DSG3: variants seen among roughly 807,000 people sequenced by gnomAD.
The protein encoded by DSG3 is desmoglein-3.
Under a neutral mutation model 85.9 loss-of-function variants are expected in DSG3, and 63 were observed. The ratio of observed to expected loss-of-function variants is 0.73; its 90% CI spans 0.60 to 0.90. The LOEUF is 0.90. Among genes scored for constraint, DSG3 ranks in the 40% least tolerant of loss-of-function variants. The pLI is 0.00. For missense variants in DSG3, 1,220 were observed against 1,219.9 expected, an observed-to-expected ratio of 1.00 and a Z score of 0.00; for synonymous variants, 447 against 441.9, an observed-to-expected ratio of 1.01 and a Z score of -0.14.
chr18:31,460,326 A>G (rs77282770), intron 6 of DSG3, among the ~76,000 whole-genome samples: 4,651 of 152,280 alleles, frequency 0.031, 126 homozygotes, highest in Non-Finnish European at 0.042. Context: ...GATGGAGGAG[A>G]AGCAAGTGTC....
Position 31,476,442 on chromosome 18 carries a change from C to A in DSG3, c.*182C>A. The A allele has an allele frequency of 1.7e-6, 1 of 586,524 alleles. No individual in the cohort carries two copies. Among genetic ancestry groups the A allele is most frequent in the Non-Finnish European group, 2.7e-6 (1 of 365,248 alleles). The allele number at this position is 586,524 out of a possible 1,614,324, so 36.3% of individuals were successfully genotyped here. On this transcript the variant is annotated 3_prime_UTR_variant, in exon 16 of 16. Coordinates refer to ENST00000257189, the MANE Select transcript of DSG3 (RefSeq NM_001944.3). ...ATACCCCAAAAGCAATATGTTGTCACTCCTAATTCTCAAGTACTATTCAAA... is the reference window on the plus strand; with the variant it reads ...ATACCCCAAAAGCAATATGTTGTCAATCCTAATTCTCAAGTACTATTCAAA...
intron 1 of DSG3, among the ~76,000 whole-genome samples, chr18:31,452,671 C>A (rs1379005061): frequency 6.6e-6 from 1 of 151,924 alleles, no homozygotes; most frequent in Admixed American, 6.6e-5. Context: ...TTAATTTAAT[C>A]CTCACAACAA....
At chr18:31,473,339 A>C (rs2072867130) in intron 14 of DSG3, among the ~76,000 whole-genome samples, 1 of 152,178 alleles carries the variant, frequency 6.6e-6, no homozygotes, top group South Asian at 2.1e-4. Flanking sequence ...CAGGTCATAC[A>C]GGTGAATTTG....
intron 1 of DSG3, among the ~76,000 whole-genome samples, chr18:31,451,810 A>T (rs1471807623): frequency 6.6e-6 from 1 of 152,222 alleles, no homozygotes; most frequent in Non-Finnish European, 1.5e-5. Flanking sequence ...TTCATCTGGA[A>T]CTAGAACACT....
Position 31,460,854 on chromosome 18 carries a change from G to A in DSG3, c.706G>A (p.Val236Ile), listed in dbSNP as rs139510343. 7.6e-6 allele frequency: 12 copies of A among 1,588,942 alleles called. No individual in the cohort carries two copies. The African/African-American group carries it at 1.5e-4, about 20-fold the overall frequency. Reference sequence around the variant, plus strand: ...TTAGCAAGCTAGCAGCTATCGTCTGGTTGTGAGTGGTGCAGACAAAGATGG... The same window carrying A: ...TTAGCAAGCTAGCAGCTATCGTCTGATTGTGAGTGGTGCAGACAAAGATGG... The part of the protein sequence containing the change: ...DREQASSYRL[V>I]VSGADKDGEG... The change falls in exon 7 of 16, where the codon GTT becomes ATT. Residue 236 changes from valine (V) to isoleucine (I), a missense_variant. Physicochemically the swap from Val to Ile is conservative, Grantham distance 29 (BLOSUM62 3). Coordinates refer to ENST00000257189, the MANE Select transcript of DSG3 (RefSeq NM_001944.3).
chr18:31,456,514 T>C (rs760307539), intron 2 of DSG3, 39 bp downstream of exon 2: 1 of 1,172,634 alleles, frequency 8.5e-7, no homozygotes, highest in Admixed American at 3.1e-5. Flanking sequence ...AAAATAATAG[T>C]TTAGTTTAAA....
chr18:31,471,040 C>A (rs1209410597), intron 12 of DSG3, among the ~76,000 whole-genome samples: 1 of 152,098 alleles, frequency 6.6e-6, no homozygotes, highest in Admixed American at 6.5e-5. Context: ...ACAACCCTGG[C>A]AACAGTGTGT....
intron 8 of DSG3, among the ~76,000 whole-genome samples, chr18:31,462,520 CA>C (rs1438183910): frequency 6.6e-6 from 1 of 152,196 alleles, no homozygotes; most frequent in South Asian, 2.1e-4. Flanking sequence ...ACAAGTGCCA[CA>C]GCCATCCCCA....
At chr18:31,461,830 A>G (rs572906047) in intron 8 of DSG3, among the ~76,000 whole-genome samples, 4 of 152,364 alleles carry the variant, frequency 2.6e-5, no homozygotes, top group African/African-American at 9.6e-5. Flanking sequence ...TCGGTTTTAA[A>G]TGGATTAGCT....
At chr18:31,451,481 T>C (rs2072711396) in intron 1 of DSG3, among the ~76,000 whole-genome samples, 1 of 152,176 alleles carries the variant, frequency 6.6e-6, no homozygotes, top group African/African-American at 2.4e-5. Context: ...AGCACAACTA[T>C]CTTCAACCAC....
intron 12 of DSG3, among the ~76,000 whole-genome samples, chr18:31,471,255 CAT>C (rs1362685648): frequency 6.6e-6 from 1 of 152,060 alleles, no homozygotes; most frequent in East Asian, 1.9e-4. Context: ...CAAAAAAATT[CAT>C]ATGTTGAAAC....
At chr18:31,458,943 T>G (rs537650067) in intron 4 of DSG3, 90 bp from the exon 5 acceptor site, 652 of 1,445,574 alleles carry the variant, frequency 4.5e-4, no homozygotes, top group Non-Finnish European at 5.2e-4. Context: ...AAAAGTGATG[T>G]CCATGCCAAC....
intron 3 of DSG3, among the ~76,000 whole-genome samples, chr18:31,457,573 CTTTCTTTCTTTCTTCT>C (rs1418459946): frequency 5.1e-4 from 58 of 113,366 alleles, no homozygotes; most frequent in African/African-American, 1.2e-3. Context: ...TTCTTTCTTT[CTTTCTTTCTTTCTTCT>C]TTCTTTCTTT....
chr18:31,462,465 T>C (rs2072792756), intron 8 of DSG3, among the ~76,000 whole-genome samples: 1 of 152,190 alleles, frequency 6.6e-6, no homozygotes, highest in African/African-American at 2.4e-5. Flanking sequence ...ACAAGGGGGC[T>C]GCTGAAAGCT....
chr18:31,465,297 T>C, intron 9 of DSG3, 21 bp from the exon 10 acceptor site: 1 of 1,371,750 alleles, frequency 7.3e-7, no homozygotes, highest in Non-Finnish European at 9.5e-7. Flanking sequence ...GAAAACTGAT[T>C]TTTTTAATAT....
rs540693754 is a variant in DSG3 at position 31,459,069 on chromosome 18, G to T, written c.409G>T (p.Val137Leu). 3 of 1,613,830 alleles carry T rather than the reference G, an allele frequency of 1.9e-6. No individual in the cohort carries two copies. The highest frequency in any genetic ancestry group is 4.5e-5 in the East Asian group (2 of 44,868). The change falls in exon 5 of 16, where the codon GTA (valine) becomes TTA (leucine). Residue 137 changes from valine (V) to leucine (L), a missense_variant. Physicochemically the swap from Val to Leu is conservative, Grantham distance 32. Transcript: ENST00000257189. ...GGCTCTAAATGCCCAAGGACTAGAT[G>T]TAGAGAAACCACTTATACTAACGGT... ...CRALNAQGLD[V>L]EKPLILTVKI...
At chr18:31,462,062 GTGTTTT>G (rs564994346) in intron 8 of DSG3, among the ~76,000 whole-genome samples, 9 of 151,602 alleles carry the variant, frequency 5.9e-5, no homozygotes, top group African/African-American at 9.7e-5. Context: ...TGTGGTTGTG[GTGTTTT>G]TGTTTTTGTT....
chr18:31,465,448 G>T lies in DSG3; in HGVS notation c.1402G>T (p.Ala468Ser). The change falls in exon 10 of 16, where the codon GCC becomes TCC. Residue 468 changes from alanine (A) to serine (S), a missense_variant. Physicochemically the swap from Ala to Ser is moderately conservative, Grantham distance 99. Coordinates refer to ENST00000257189, the MANE Select transcript of DSG3 (RefSeq NM_001944.3). ...VNKTITAEVLAIDEYTGKTST... is the reference protein window; with the variant it reads ...VNKTITAEVLSIDEYTGKTST... ...CAAAACAATCACAGCTGAGGTTCTG[G>T]CCATAGATGGTAAGAAAAATATTTG... 6.7e-7 allele frequency: 1 copy of T among 1,488,524 alleles called. No individual in the cohort carries two copies. Among genetic ancestry groups the T allele is most frequent in the Admixed American group, 2.5e-5 (1 of 39,966 alleles). 92.2% of individuals were successfully genotyped at this position (1,488,524 alleles called of 1,614,324 possible). A position where few individuals can be genotyped will look rare whatever the true frequency, so the allele number is the denominator to read the frequency against.
In DSG3 at chr18:31,464,294, G is replaced by T; in HGVS notation, c.1183G>T (p.Gly395Cys). 6.2e-7 allele frequency: 1 copy of T among 1,614,076 alleles called. No individual in the cohort carries two copies. The highest frequency in any genetic ancestry group is 8.5e-7 in the Non-Finnish European group (1 of 1,180,004). ...TTCCAAGACATTTACTGTGCAAAAA[G>T]GCATAAGTAGCAAAAAATTGGTGGA... The part of the protein sequence containing the change: ...PASKTFTVQK[G>C]ISSKKLVDYI... Residue 395 changes from glycine to cysteine, a missense_variant, in exon 9 of 16, where the codon GGC becomes TGC. Gly to Cys is a radical substitution (Grantham distance 159, BLOSUM62 -3). Transcript: ENST00000257189.
Sources: allele counts gnomAD v4.1 joint callset (sites outside exome capture counted in the v4.1 genomes callset), GRCh38; gene constraint gnomAD v4.1.1; transcripts MANE v1.5; gene names NCBI Gene and HGNC (gene_info 2026-07-23, HGNC 2026-07-21).